LRRC8C: variants seen among roughly 807,000 people sequenced by gnomAD.
LRRC8C encodes the protein volume-regulated anion channel subunit LRRC8C.
Under a neutral mutation model 55.3 loss-of-function variants are expected in LRRC8C, and 20 were observed. The ratio of observed to expected loss-of-function variants is 0.36; its 90% CI spans 0.25 to 0.53. The LOEUF (loss-of-function observed/expected upper bound fraction) is 0.53, where lower values mean the gene tolerates loss of function less well. Ranked by LOEUF, LRRC8C falls within the 20% of genes least tolerant of loss-of-function variation. The pLI is 0.92. For synonymous variants in LRRC8C, 376 were observed against 360.7 expected (o/e 1.04, Z -0.48); for missense variants, 659 against 951.4 (o/e 0.69, Z 4.04).
At chr1:89,646,524 G>A (rs1011814838) in intron 1 of LRRC8C, among the ~76,000 whole-genome samples, 2 of 151,894 alleles carry the variant, frequency 1.3e-5, no homozygotes, top group Non-Finnish European at 2.9e-5. Context: ...TGATCATATG[G>A]TTTTTCTCCT....
intron 2 of LRRC8C, among the ~76,000 whole-genome samples, chr1:89,705,616 C>CA (rs773556541): frequency 1.1e-4 from 17 of 151,456 alleles, no homozygotes; most frequent in Non-Finnish European, 2.2e-4. Context: ...CCCATCTCTA[C>CA]AAAAAAATAC....
chr1:89,656,179 G>A (rs1301322904), intron 1 of LRRC8C, among the ~76,000 whole-genome samples: 1 of 152,220 alleles, frequency 6.6e-6, no homozygotes, highest in Non-Finnish European at 1.5e-5. Flanking sequence ...ACTCTCCCTT[G>A]AGGGGACATG....
chr1:89,621,333 G>T, the LRRC8C span, among the ~76,000 whole-genome samples: 1 of 151,360 alleles, frequency 6.6e-6, no homozygotes, highest in Non-Finnish European at 1.5e-5. Flanking sequence ...GCCAGGCGTG[G>T]TGGCAGGCGC....
chr1:89,713,701 A>G lies in LRRC8C; in HGVS notation c.1131A>G (p.Ile377Met). The G allele has an allele frequency of 3.1e-6, 5 of 1,614,222 alleles. No homozygotes were observed. Among genetic ancestry groups the G allele is most frequent in the Non-Finnish European group, 4.2e-6 (5 of 1,180,034 alleles). The change falls in exon 3 of 3, where the codon ATA becomes ATG. Residue 377 changes from isoleucine to methionine, a missense_variant. Ile to Met is a conservative substitution (Grantham distance 10, BLOSUM62 1). Coordinates refer to ENST00000370454, the MANE Select transcript of LRRC8C (RefSeq NM_032270.5). This position sits in a 1 kb window ranked among gnomAD's most constrained non-coding sequence, Gnocchi z 5.2. ...ACTTTGCTTTTATGCTTCATATGAT[A>G]GATCAGTATGACCCTCTCTATTCCA... ...KNDFAFMLHM[I>M]DQYDPLYSKR...
chr1:89,654,593 T>A (rs1030957451), intron 1 of LRRC8C, among the ~76,000 whole-genome samples: 84 of 152,280 alleles, frequency 5.5e-4, no homozygotes, highest in African/African-American at 1.8e-3. Flanking sequence ...AATACACTAT[T>A]TATTCTACTC....
chr1:89,641,621 A>G (rs537977190), intron 1 of LRRC8C, among the ~76,000 whole-genome samples: 2 of 152,216 alleles, frequency 1.3e-5, no homozygotes, highest in East Asian at 3.9e-4. Flanking sequence ...AAGGAAGTCT[A>G]TCCATCTCAT....
chr1:89,624,289 C>A, the LRRC8C span, among the ~76,000 whole-genome samples: 11 of 152,290 alleles, frequency 7.2e-5, no homozygotes, highest in South Asian at 1.4e-3. Context: ...GTTCACTGTA[C>A]AAATATCCTT....
At chr1:89,659,792 T>G (rs1043070642) in intron 1 of LRRC8C, among the ~76,000 whole-genome samples, 1 of 152,184 alleles carries the variant, frequency 6.6e-6, no homozygotes, top group Non-Finnish European at 1.5e-5. Context: ...GCTGTACATG[T>G]GGACTAGCTC....
chr1:89,626,532 C>T, the LRRC8C span: 5 of 152,148 alleles, frequency 3.3e-5, no homozygotes, highest in Admixed American at 6.5e-5. Flanking sequence ...GTCTACAAAT[C>T]AAAGGTTCCC....
At chr1:89,639,528 A>G (rs985951661) in intron 1 of LRRC8C, among the ~76,000 whole-genome samples, 3 of 152,026 alleles carry the variant, frequency 2.0e-5, no homozygotes, top group African/African-American at 7.2e-5. Flanking sequence ...TTCCCCCCCA[A>G]CAACTCATCC....
chr1:89,637,591 A>G (rs1232523689), intron 1 of LRRC8C, among the ~76,000 whole-genome samples: 6 of 152,136 alleles, frequency 3.9e-5, no homozygotes, highest in African/African-American at 1.4e-4. Context: ...AAAGTAGGAA[A>G]GAGACTGTGG....
At chr1:89,636,491 C>T (rs559868489) in intron 1 of LRRC8C, among the ~76,000 whole-genome samples, 1 of 152,290 alleles carries the variant, frequency 6.6e-6, no homozygotes, top group Non-Finnish European at 1.5e-5. Context: ...TTTTACTTTA[C>T]TAACAATATG....
intron 1 of LRRC8C, among the ~76,000 whole-genome samples, chr1:89,658,154 C>G (rs1366769746): frequency 6.6e-6 from 1 of 152,130 alleles, no homozygotes; most frequent in Non-Finnish European, 1.5e-5. Context: ...TTTGGTTTAA[C>G]TAGCGTTTCT....
chr1:89,670,848 C>G (rs1384066932), intron 1 of LRRC8C, among the ~76,000 whole-genome samples: 1 of 151,788 alleles, frequency 6.6e-6, no homozygotes, highest in Non-Finnish European at 1.5e-5. Context: ...GGTTTTATAC[C>G]CTGTTTGTCT....
chr1:89,622,891 A>T, the LRRC8C span, among the ~76,000 whole-genome samples: 3 of 152,358 alleles, frequency 2.0e-5, no homozygotes, highest in Admixed American at 6.5e-5. Flanking sequence ...ATAATTTTGA[A>T]TTTTGGTTAA....
At chr1:89,706,987 A>G (rs181486972) in intron 2 of LRRC8C, among the ~76,000 whole-genome samples, 3 of 152,250 alleles carry the variant, frequency 2.0e-5, no homozygotes, top group East Asian at 3.9e-4. Flanking sequence ...TTTCTTTTCC[A>G]TAAGTACTGC....
the LRRC8C span, among the ~76,000 whole-genome samples, chr1:89,625,408 A>G: frequency 2.0e-5 from 3 of 152,166 alleles, no homozygotes; most frequent in African/African-American, 7.2e-5. Context: ...ATTCCAGCTT[A>G]TGTTCTTTTC....
At chr1:89,647,294 A>G (rs546066259) in intron 1 of LRRC8C, among the ~76,000 whole-genome samples, 46 of 152,312 alleles carry the variant, frequency 3.0e-4, no homozygotes, top group Non-Finnish European at 5.7e-4. Context: ...TCCTTTTTAT[A>G]TAGCTCCAAA....
At chr1:89,636,051 T>G (rs1039211840) in intron 1 of LRRC8C, among the ~76,000 whole-genome samples, 5 of 152,236 alleles carry the variant, frequency 3.3e-5, no homozygotes, top group Admixed American at 6.5e-5. Flanking sequence ...CAGAAAAAGC[T>G]GCTGTCAAAT....
Sources: gnomAD v4.1 joint callset for allele counts (sites outside exome capture counted in the v4.1 genomes callset) on GRCh38, gnomAD v4.1.1 for gene constraint, Gnocchi (gnomAD v3.1) non-coding constraint, MANE v1.5 for transcripts, NCBI Gene and HGNC (gene_info 2026-07-23, HGNC 2026-07-21) for gene names.